FOXN3: variants seen among roughly 807,000 people sequenced by gnomAD.
FOXN3 encodes forkhead box protein N3.
A neutral mutation model predicts 38.4 loss-of-function variants in FOXN3; 7 were observed. The observed-to-expected ratio is 0.18, with a 90% CI of 0.10 to 0.34. The LOEUF is 0.34. FOXN3 is among the 10% of genes least tolerant of loss of function. The pLI is 1.00. For synonymous variants in FOXN3, 230 were observed against 242.2 expected, an observed-to-expected ratio of 0.95 and a Z score of 0.47; for missense variants, 456 against 613.4, an observed-to-expected ratio of 0.74 and a Z score of 2.71.
intron 4 of FOXN3, among the ~76,000 whole-genome samples, chr14:89,213,439 C>T (rs761680828): frequency 1.3e-5 from 2 of 152,148 alleles, no homozygotes; most frequent in African/African-American, 2.4e-5. Flanking sequence ...CTAGGAAACT[C>T]GAAGATGGGT....
intron 1 of FOXN3, among the ~76,000 whole-genome samples, chr14:89,437,640 G>A (rs1052227998): frequency 3.3e-5 from 5 of 152,204 alleles, no homozygotes; most frequent in African/African-American, 1.2e-4. Context: ...AAGTTACCAT[G>A]TATGATCTAA....
At chr14:89,221,231 T>G (rs1416421319) in intron 4 of FOXN3, among the ~76,000 whole-genome samples, 1 of 152,182 alleles carries the variant, frequency 6.6e-6, no homozygotes. Context: ...GGTAGTTCTA[T>G]TCCAGCGAAG....
intron 4 of FOXN3, among the ~76,000 whole-genome samples, chr14:89,261,711 C>T (rs1596138891): frequency 6.6e-6 from 1 of 151,984 alleles, no homozygotes; most frequent in South Asian, 2.1e-4. Context: ...GGGCGGATCA[C>T]GAGGTCAGGA....
At chr14:89,512,200 A>G (rs906888410) in intron 1 of FOXN3, among the ~76,000 whole-genome samples, 5 of 152,232 alleles carry the variant, frequency 3.3e-5, no homozygotes, top group African/African-American at 1.2e-4. Flanking sequence ...TATGACCAGC[A>G]GCTTGGGAAC....
rs939273434 is a variant in FOXN3, at chr14:89,424,072, A to G, written c.-14-11582T>C. On this transcript the variant is annotated intron_variant, in intron 1 of 6. Transcript: ENST00000345097. ...TGAAGGAAGCAACAATGTATTTAGGAGGATTTTGCTGGGACGTTGTTTAAA... is the reference window on the plus strand; with the variant it reads ...TGAAGGAAGCAACAATGTATTTAGGGGGATTTTGCTGGGACGTTGTTTAAA... Among the ~76,000 whole-genome samples the G allele has an allele frequency of 4.6e-5, 7 of 152,230 alleles. 1 individual carries two copies. Among genetic ancestry groups the G allele is most frequent in the South Asian group, 4.1e-4 (2 of 4,834 alleles).
At chr14:89,453,552 T>C (rs1367867801) in intron 1 of FOXN3, among the ~76,000 whole-genome samples, 1 of 97,516 alleles carries the variant, frequency 1.0e-5, no homozygotes, top group Non-Finnish European at 1.8e-5. Flanking sequence ...ACAGCAAGAC[T>C]CCGTCTCAAA....
At chr14:89,456,319 T>A (rs890194665) in intron 1 of FOXN3, among the ~76,000 whole-genome samples, 2 of 152,180 alleles carry the variant, frequency 1.3e-5, no homozygotes, top group African/African-American at 2.4e-5. Flanking sequence ...CCCAGGCCCA[T>A]TTATACCAGG....
chr14:89,205,595 G>A (rs1179467995), intron 4 of FOXN3, among the ~76,000 whole-genome samples: 1 of 152,212 alleles, frequency 6.6e-6, no homozygotes, highest in Non-Finnish European at 1.5e-5. Flanking sequence ...GGGACGACGC[G>A]GAATTTGGCT....
At chr14:89,454,976 A>G (rs1300386687) in intron 1 of FOXN3, among the ~76,000 whole-genome samples, 2 of 152,288 alleles carry the variant, frequency 1.3e-5, no homozygotes, top group East Asian at 1.9e-4. Flanking sequence ...CAGTAATTCC[A>G]TTGGATAAAT....
chr14:89,231,870 G>A (rs954368954), intron 4 of FOXN3, among the ~76,000 whole-genome samples: 5 of 152,160 alleles, frequency 3.3e-5, no homozygotes, highest in Non-Finnish European at 7.4e-5. Context: ...CTCTAGGTCT[G>A]CTCAAAGCGA....
At chr14:89,243,029 C>T (rs1885186207) in intron 4 of FOXN3, among the ~76,000 whole-genome samples, 3 of 152,082 alleles carry the variant, frequency 2.0e-5, no homozygotes, top group East Asian at 1.9e-4. Flanking sequence ...TGATGGGAGA[C>T]GGAAGTGGAA....
At position 89,161,413 on chromosome 14, in the gene FOXN3, T is replaced by C. The variant is rs1225329915; in HGVS notation, c.*1001A>G. 2 of 148,660 alleles carry C rather than the reference T, an allele frequency of 1.3e-5. No individual in the cohort carries two copies. Among genetic ancestry groups the C allele is most frequent in the African/African-American group, 5.0e-5 (2 of 40,206 alleles). The allele number at this position is 148,660 out of a possible 1,614,324, so 9.2% of individuals were successfully genotyped here. A position where few individuals can be genotyped will look rare whatever the true frequency, so the allele number is the denominator to read the frequency against. ...TTTTTTTTTTTTCACTTGGATCAAA[T>C]AGTTTTGATAGACAGAAAAAGATCT... On this transcript the variant is annotated 3_prime_UTR_variant, in exon 6 of 6. Transcript: ENST00000557258.
intron 4 of FOXN3, among the ~76,000 whole-genome samples, chr14:89,237,905 T>G (rs1197008388): frequency 6.6e-6 from 1 of 152,240 alleles, no homozygotes; most frequent in African/African-American, 2.4e-5. Flanking sequence ...TAGAGCTGTG[T>G]GCTGTACGAT....
rs1297720777 is a variant in FOXN3 at position 89,187,071 on chromosome 14, T to G, written c.746-6265A>C. On this transcript the variant is annotated intron_variant, in intron 4 of 5. Transcript: ENST00000557258. Reference sequence around the variant, plus strand: ...AAGGGTAGGAGGAAGAGAAAAGATCTAAGTGGCTGCCATCTGGTGACCTGG... The same window carrying G: ...AAGGGTAGGAGGAAGAGAAAAGATCGAAGTGGCTGCCATCTGGTGACCTGG... 2.0e-5 allele frequency among the ~76,000 whole-genome samples: 3 copies of G among 152,198 alleles called. No individual in the cohort carries two copies. In the East Asian group the frequency reaches 5.8e-4, roughly 29 times the overall value.
chr14:89,184,395 C>G (rs921719888), intron 4 of FOXN3, among the ~76,000 whole-genome samples: 3 of 152,172 alleles, frequency 2.0e-5, no homozygotes, highest in African/African-American at 7.2e-5. Context: ...GAAAAGCACC[C>G]CTGGGGAGAG....
chr14:89,457,839 C>T (rs1892757711), intron 1 of FOXN3, among the ~76,000 whole-genome samples: 1 of 151,842 alleles, frequency 6.6e-6, no homozygotes, highest in Middle Eastern at 3.4e-3. Flanking sequence ...ATGGAGAAAC[C>T]CCATCTCTAC....
At chr14:89,511,880 A>T (rs1391796122) in intron 1 of FOXN3, among the ~76,000 whole-genome samples, 1 of 152,192 alleles carries the variant, frequency 6.6e-6, no homozygotes, top group Non-Finnish European at 1.5e-5. Context: ...CCAGCAAAGG[A>T]GGAAGCCTCT....
At chr14:89,415,152 G>C (rs1397172300) in intron 1 of FOXN3, among the ~76,000 whole-genome samples, 1 of 152,100 alleles carries the variant, frequency 6.6e-6, no homozygotes, top group East Asian at 1.9e-4. Context: ...GCCCACAGTA[G>C]AGTATAAAAC....
intron 1 of FOXN3, among the ~76,000 whole-genome samples, chr14:89,513,413 T>G (rs1392936002): frequency 6.6e-6 from 1 of 151,760 alleles, no homozygotes; most frequent in Admixed American, 6.6e-5. Flanking sequence ...TGTTTTGTTT[T>G]GTTTTTAGTA....
Sources: allele counts gnomAD v4.1 joint callset (sites outside exome capture counted in the v4.1 genomes callset), GRCh38; gene constraint gnomAD v4.1.1; transcripts MANE v1.5; gene names NCBI Gene and HGNC (gene_info 2026-07-23, HGNC 2026-07-21).